The following CDH4 variants were observed in gnomAD, a reference collection of about 807,000 sequenced individuals.
CDH4 encodes the protein cadherin 4.
A neutral mutation model predicts 86.0 loss-of-function variants in CDH4; 33 were observed. The ratio of observed to expected loss-of-function variants is 0.38; its 90% CI spans 0.29 to 0.51. The LOEUF is 0.51. Ranked by LOEUF, CDH4 falls within the 20% of genes least tolerant of loss-of-function variation. The pLI is 0.86. For missense variants in CDH4, 1,114 were observed against 1,307.4 expected (o/e 0.85, Z 2.28); for synonymous variants, 555 against 549.4 (o/e 1.01, Z -0.14).
chr20:61,646,669 C>T (rs2087064779), intron 2 of CDH4, among the ~76,000 whole-genome samples: 1 of 152,244 alleles, frequency 6.6e-6, no homozygotes. Flanking sequence ...GGGCTACAGA[C>T]ACAGATCAGG....
chr20:61,499,757 G>A (rs1452797458), intron 2 of CDH4, among the ~76,000 whole-genome samples: 2 of 152,158 alleles, frequency 1.3e-5, no homozygotes, highest in Non-Finnish European at 2.9e-5. Context: ...CAGGAACAGG[G>A]CTTATGAGCA....
intron 2 of CDH4, among the ~76,000 whole-genome samples, chr20:61,529,321 A>C (rs1410745023): frequency 6.6e-6 from 1 of 152,250 alleles, no homozygotes; most frequent in Non-Finnish European, 1.5e-5. Flanking sequence ...TGGGGAACTC[A>C]TAATAAAACT....
Position 61,743,755 on chromosome 20 carries a change from TG to T in CDH4, c.364del (p.Ala122ProfsTer43). ...TGGGACGCCGTGGTGCGGTTGCTGG[TG>T]GCCCAGACCTCGTCCCCGCACTCTG... ...EKWDAVVRLL[V>X]AQTSSPHSGH... On this transcript the variant is annotated frameshift_variant, in exon 3 of 16. Coordinates refer to ENST00000614565, the MANE Select transcript of CDH4 (RefSeq NM_001794.5). LOFTEE classifies it high-confidence loss of function. 6.2e-7 allele frequency: 1 copy of T among 1,609,320 alleles called. No individual in the cohort carries two copies. Among genetic ancestry groups the T allele is most frequent in the Non-Finnish European group, 8.5e-7 (1 of 1,178,230 alleles).
intron 2 of CDH4, among the ~76,000 whole-genome samples, chr20:61,529,048 T>C (rs1290475946): frequency 2.6e-5 from 4 of 152,166 alleles, no homozygotes; most frequent in Non-Finnish European, 5.9e-5. Flanking sequence ...CTAATAAAGA[T>C]CTAATCACAG....
chr20:61,380,085 T>C (rs2084891680), intron 2 of CDH4, among the ~76,000 whole-genome samples: 1 of 152,226 alleles, frequency 6.6e-6, no homozygotes, highest in Non-Finnish European at 1.5e-5. Flanking sequence ...GTGTTGAGCA[T>C]ATTATTTTGC....
intron 2 of CDH4, among the ~76,000 whole-genome samples, chr20:61,385,025 G>C (rs2084943359): frequency 6.6e-6 from 1 of 152,178 alleles, no homozygotes; most frequent in Admixed American, 6.5e-5. Context: ...TGTGTCTCCA[G>C]GGAGGTTTTG....
intron 4 of CDH4, among the ~76,000 whole-genome samples, chr20:61,814,089 G>A (rs73917522): frequency 0.022 from 3,412 of 152,290 alleles, 109 homozygotes; most frequent in African/African-American, 0.077. Flanking sequence ...CATGTGCAGC[G>A]TGGGGAGGGG....
At position 61,653,550 on chromosome 20, in the gene CDH4, C is replaced by T. The variant is rs1225664508; in HGVS notation, c.170-90013C>T. ...GCCCCTCACCTCCCGGACGGGGTGG[C>T]TGGCCAGGCGGGGGCTGACCCCCAC... is the stretch of plus-strand genomic sequence containing the variant. On this transcript the variant is annotated intron_variant, in intron 2 of 15. Transcript: ENST00000614565. Among the ~76,000 whole-genome samples, 12 of 142,908 alleles carry T rather than the reference C, an allele frequency of 8.4e-5. No individual in the cohort carries two copies. The East Asian group carries it at 2.3e-3, about 27-fold the overall frequency. 93.8% of individuals were successfully genotyped at this position (142,908 alleles called of 152,430 possible). A position where few individuals can be genotyped will look rare whatever the true frequency, so the allele number is the denominator to read the frequency against.
At chr20:61,281,301 C>T (rs1357344244) in intron 2 of CDH4, among the ~76,000 whole-genome samples, 4 of 152,268 alleles carry the variant, frequency 2.6e-5, no homozygotes, top group East Asian at 1.9e-4. Context: ...GAGTAGGTCA[C>T]GAAGGTGCAC....
intron 2 of CDH4, among the ~76,000 whole-genome samples, chr20:61,390,137 C>T (rs1480298278): frequency 6.7e-6 from 1 of 149,362 alleles, no homozygotes; most frequent in Non-Finnish European, 1.5e-5. Context: ...GTCTAGGAAA[C>T]CCCAATTGGG....
At chr20:61,936,348 A>C (rs1336846064) in intron 15 of CDH4, among the ~76,000 whole-genome samples, 2 of 5,012 alleles carry the variant, frequency 4.0e-4, no homozygotes, top group African/African-American at 8.4e-4. Flanking sequence ...ACCTTCCCCC[A>C]CACCCCTTCC....
In CDH4 at chr20:61,517,371, T is replaced by A. The variant is rs1405125780; in HGVS notation, c.170-226192T>A. Among the ~76,000 whole-genome samples, 6 of 152,144 alleles carry A rather than the reference T, an allele frequency of 3.9e-5. No individual in the cohort carries two copies. ...CACCTTGTGCAGCTAATTTTTTTAC[T>A]TTTTGTAGAGACAAGGTCTCGCCGT... On this transcript the variant is annotated intron_variant, in intron 2 of 15. Transcript: ENST00000614565. The surrounding 1 kb of genome is among the most constrained non-coding windows in gnomAD (Gnocchi z 6.6).
chr20:61,640,142 A>T (rs559746077), intron 2 of CDH4, among the ~76,000 whole-genome samples: 49 of 152,316 alleles, frequency 3.2e-4, no homozygotes, highest in African/African-American at 1.2e-3. Flanking sequence ...AAATAGCAAG[A>T]TCTCTCTAAC....
chr20:61,685,023 C>CT (rs2087558871), intron 2 of CDH4, among the ~76,000 whole-genome samples: 1 of 152,148 alleles, frequency 6.6e-6, no homozygotes, highest in Non-Finnish European at 1.5e-5. Context: ...TTGCTGTCAT[C>CT]TAATTGTGCA....
chr20:61,281,616 A>G (rs968492879), intron 2 of CDH4, among the ~76,000 whole-genome samples: 12 of 152,180 alleles, frequency 7.9e-5, no homozygotes, highest in African/African-American at 2.9e-4. Context: ...GCAGCCATAC[A>G]TGGCCCAAGG....
rs1256243700 is a variant in CDH4 at position 61,344,674 on chromosome 20, G to A, written c.169+89737G>A. On this transcript the variant is annotated intron_variant, in intron 2 of 15. Coordinates refer to ENST00000614565, the MANE Select transcript of CDH4 (RefSeq NM_001794.5). ...TTAGAGAGTTTCATACATGCTGCCA[G>A]TTCCTAGATTGATTTTTCTTTGTGA... is the stretch of plus-strand genomic sequence containing the variant. Among the ~76,000 whole-genome samples the A allele has an allele frequency of 3.9e-5, 6 of 152,282 alleles. No homozygotes were observed. In the East Asian group the frequency reaches 1.2e-3, roughly 29 times the overall value.
intron 7 of CDH4, among the ~76,000 whole-genome samples, 195 bp downstream of exon 7, chr20:61,874,095 T>C (rs2146149662): frequency 6.6e-6 from 1 of 152,058 alleles, no homozygotes; most frequent in East Asian, 1.9e-4. Flanking sequence ...TATGAGCGAG[T>C]CCTTGTGAGA....
At chr20:61,634,156 G>C (rs1251789383) in intron 2 of CDH4, among the ~76,000 whole-genome samples, 1 of 152,186 alleles carries the variant, frequency 6.6e-6, no homozygotes, top group Non-Finnish European at 1.5e-5. Flanking sequence ...TTTCATGAAA[G>C]GGCTCTGCAA....
chr20:61,715,753 A>G (rs2087945820), intron 2 of CDH4, among the ~76,000 whole-genome samples: 1 of 152,180 alleles, frequency 6.6e-6, no homozygotes, highest in Non-Finnish European at 1.5e-5. Context: ...CAGGTCTCAG[A>G]GCAAGGAGGT....
Sources: allele counts gnomAD v4.1 joint callset (sites outside exome capture counted in the v4.1 genomes callset), GRCh38; gene constraint gnomAD v4.1.1; non-coding constraint Gnocchi (gnomAD v3.1); transcripts MANE v1.5; gene names NCBI Gene and HGNC (gene_info 2026-07-23, HGNC 2026-07-21).